RFTN1: variants seen among roughly 807,000 people sequenced by gnomAD.
RFTN1 encodes raftlin, lipid raft linker 1.
RFTN1 carries 26 observed loss-of-function variants against 46.5 expected under a neutral mutation model. The observed-to-expected ratio is 0.56, with a 90% CI of 0.41 to 0.78. The LOEUF (loss-of-function observed/expected upper bound fraction) is 0.78, where lower values mean the gene tolerates loss of function less well. Among genes scored for constraint, RFTN1 ranks in the 30% least tolerant of loss-of-function variants. The probability of loss-of-function intolerance (pLI) is 0.00; values close to 1 mark genes in which losing one functional copy is unlikely to be tolerated. For synonymous variants in RFTN1, 261 were observed against 284.2 expected, an observed-to-expected ratio of 0.92 and a Z score of 0.82; for missense variants, 693 against 718.7, an observed-to-expected ratio of 0.96 and a Z score of 0.41.
chr3:16,467,498 A>G (rs1348601135), intron 2 of RFTN1, among the ~76,000 whole-genome samples: 1 of 152,160 alleles, frequency 6.6e-6, no homozygotes, highest in Non-Finnish European at 1.5e-5. Context: ...GGATCCAGAC[A>G]CTTGACTCAT....
intron 7 of RFTN1, among the ~76,000 whole-genome samples, chr3:16,343,019 T>C (rs116528997): frequency 0.01 from 1,574 of 152,216 alleles, 22 homozygotes; most frequent in African/African-American, 0.036. Context: ...TTTTATTTTT[T>C]TAATGTAGAG....
rs368560773 is a variant in RFTN1 at position 16,338,684 on chromosome 3, T to TA, written c.1147-11809dup. Among the ~76,000 whole-genome samples the TA allele has an allele frequency of 1.8e-4, 27 of 152,358 alleles. No individual in the cohort carries two copies. Among genetic ancestry groups the TA allele is most frequent in the African/African-American group, 6.5e-4 (27 of 41,584 alleles). ...GAGTAAATGGGACTTGCTACTTTATTACTCTCTTTAGACTATCAGAGATGA... is the reference window on the plus strand; with the variant it reads ...GAGTAAATGGGACTTGCTACTTTATTAACTCTCTTTAGACTATCAGAGATGA... On this transcript the variant is annotated intron_variant, in intron 7 of 9. Transcript: ENST00000334133. The surrounding 1 kb of genome is among the most constrained non-coding windows in gnomAD (Gnocchi z 5.3).
intron 6 of RFTN1, among the ~76,000 whole-genome samples, chr3:16,367,552 G>A (rs1415307887): frequency 1.3e-5 from 2 of 152,224 alleles, no homozygotes; most frequent in Non-Finnish European, 2.9e-5. Flanking sequence ...CATACAGGAA[G>A]ATGCCTGGGC....
chr3:16,508,922 T>TAACC (rs962310793), intron 1 of RFTN1, among the ~76,000 whole-genome samples: 1 of 152,228 alleles, frequency 6.6e-6, no homozygotes, highest in Admixed American at 6.5e-5. Flanking sequence ...CAGTAGCCAC[T>TAACC]AACCACACGT....
rs1323878212 is a variant in RFTN1 at position 16,509,272 on chromosome 3, T to G, written c.-9+4170A>C. ...CTGTAACGCTGTTCTGATTATCTAATTTACATTTCTATTATAATATGGCTT... is the reference window on the plus strand; with the variant it reads ...CTGTAACGCTGTTCTGATTATCTAAGTTACATTTCTATTATAATATGGCTT... On this transcript the variant is annotated intron_variant, in intron 1 of 9. Coordinates refer to ENST00000334133, the MANE Select transcript of RFTN1 (RefSeq NM_015150.2). This position sits in a 1 kb window ranked among gnomAD's most constrained non-coding sequence, Gnocchi z 4.9. Among the ~76,000 whole-genome samples the G allele has an allele frequency of 6.6e-6, 1 of 152,232 alleles. No individual in the cohort carries two copies. The highest frequency in any genetic ancestry group is 1.5e-5 in the Non-Finnish European group (1 of 68,044).
At chr3:16,324,861 T>C (rs576950703) in intron 8 of RFTN1, among the ~76,000 whole-genome samples, 1 of 152,272 alleles carries the variant, frequency 6.6e-6, no homozygotes, top group South Asian at 2.1e-4. Context: ...TGCTGGATCA[T>C]GTGCTAAGTC....
In RFTN1 at chr3:16,466,618, C is replaced by G. The variant is rs1445581625; in HGVS notation, c.145+27107G>C. Among the ~76,000 whole-genome samples, 2 of 152,218 alleles carry G rather than the reference C, an allele frequency of 1.3e-5. No individual in the cohort carries two copies. The highest frequency in any genetic ancestry group is 2.9e-5 in the Non-Finnish European group (2 of 68,040). On this transcript the variant is annotated intron_variant, in intron 2 of 9. Transcript: ENST00000334133. This position sits in a 1 kb window ranked among gnomAD's most constrained non-coding sequence, Gnocchi z 5.6. Reference sequence around the variant, plus strand: ...AAGGAAAAAGTAAAACACCAACCATCCTCAGAAACCAACCTTCTTTACAGG... The same window carrying G: ...AAGGAAAAAGTAAAACACCAACCATGCTCAGAAACCAACCTTCTTTACAGG...
chr3:16,324,197 G>A (rs2069415942), intron 8 of RFTN1, among the ~76,000 whole-genome samples: 1 of 152,078 alleles, frequency 6.6e-6, no homozygotes, highest in East Asian at 1.9e-4. Flanking sequence ...GGTAGAGTGT[G>A]ATGTTTTGAT....
intron 3 of RFTN1, among the ~76,000 whole-genome samples, chr3:16,417,386 T>TA (rs1018135687): frequency 4.9e-4 from 74 of 152,012 alleles, no homozygotes; most frequent in African/African-American, 1.5e-3. Context: ...TGTGAACAAG[T>TA]AAAAAAACCA....
Position 16,450,739 on chromosome 3 carries a change from T to G in RFTN1, c.146-16702A>C, listed in dbSNP as rs2075809605. Among the ~76,000 whole-genome samples the G allele has an allele frequency of 6.6e-6, 1 of 152,148 alleles. No homozygotes were observed. The highest frequency in any genetic ancestry group is 1.5e-5 in the Non-Finnish European group (1 of 68,016). ...TCAGAGAAGGTGTTATTTTGCCTTCTCTTACCTTTTCATCAGACCCTGTTC... is the reference window on the plus strand; with the variant it reads ...TCAGAGAAGGTGTTATTTTGCCTTCGCTTACCTTTTCATCAGACCCTGTTC... On this transcript the variant is annotated intron_variant, in intron 2 of 9. Transcript: ENST00000334133. The surrounding 1 kb of genome is among the most constrained non-coding windows in gnomAD (Gnocchi z 4.6).
In RFTN1 at chr3:16,424,619, G is replaced by A. The variant is rs370257226; in HGVS notation, c.332+9232C>T. Among the ~76,000 whole-genome samples, 14 of 152,262 alleles carry A rather than the reference G, an allele frequency of 9.2e-5. No individual in the cohort carries two copies. The East Asian group carries it at 1.7e-3, about 19-fold the overall frequency. On this transcript the variant is annotated intron_variant, in intron 3 of 9. Coordinates refer to ENST00000334133, the MANE Select transcript of RFTN1 (RefSeq NM_015150.2). The surrounding 1 kb of genome is among the most constrained non-coding windows in gnomAD (Gnocchi z 4.7). ...TCCAACTCATGGTCGATGATAGGAA[G>A]TGAATGAAATGATGTATTCATATTT...
rs988817781 is a variant in RFTN1, at chr3:16,374,926, C to A, written c.826+2792G>T. Among the ~76,000 whole-genome samples, 5 of 152,272 alleles carry A rather than the reference C, an allele frequency of 3.3e-5. No individual in the cohort carries two copies. The highest frequency in any genetic ancestry group is 7.4e-5 in the Non-Finnish European group (5 of 68,018). The stretch of plus-strand genomic sequence containing the variant: ...AGCCCGCAGAGATGGGGAGGGACGA[C>A]CTGCCCCTGCTTCCGCATGGAGAAT... On this transcript the variant is annotated intron_variant, in intron 5 of 9. Transcript: ENST00000334133. This position sits in a 1 kb window ranked among gnomAD's most constrained non-coding sequence, Gnocchi z 5.4.
chr3:16,430,104 G>A (rs1186771440), intron 3 of RFTN1, among the ~76,000 whole-genome samples: 1 of 129,840 alleles, frequency 7.7e-6, no homozygotes, highest in Non-Finnish European at 1.8e-5. Context: ...GAAAAAGTCC[G>A]TTTTTTTTTT....
Position 16,317,227 on chromosome 3 carries a change from C to T in RFTN1, c.1338G>A (p.Gln446=). The stretch of plus-strand genomic sequence containing the variant: ...GCATTTCTTCTCTGGAGAATCGCCA[C>T]TGAAACTAGAAATCAGAAAGGATGG... ...QKIKKKESKF[Q]WRFSREEMHN... Residue 446 remains glutamine, a synonymous_variant, in exon 10 of 10, where the codon CAG becomes CAA. Coordinates refer to ENST00000334133, the MANE Select transcript of RFTN1 (RefSeq NM_015150.2). This position sits in a 1 kb window ranked among gnomAD's most constrained non-coding sequence, Gnocchi z 4.3. 2 of 1,612,054 alleles carry T rather than the reference C, an allele frequency of 1.2e-6. No homozygotes were observed. Among genetic ancestry groups the T allele is most frequent in the Non-Finnish European group, 1.7e-6 (2 of 1,179,946 alleles).
chr3:16,374,606 T>C lies in RFTN1; in HGVS notation c.826+3112A>G, dbSNP rs2073671539. Among the ~76,000 whole-genome samples the C allele has an allele frequency of 1.3e-5, 2 of 152,138 alleles. No homozygotes were observed. Among genetic ancestry groups the C allele is most frequent in the African/African-American group, 4.8e-5 (2 of 41,428 alleles). On this transcript the variant is annotated intron_variant, in intron 5 of 9. Transcript: ENST00000334133. The surrounding 1 kb of genome is among the most constrained non-coding windows in gnomAD (Gnocchi z 5.4). ...GGCTGACATTTCTAAGCATTTTAAG[T>C]GAGGAGGTGCAGGGTAGGAAGGGCA...
rs887905262 is a variant in RFTN1, at chr3:16,428,103, T to C, written c.332+5748A>G. 6.6e-6 allele frequency among the ~76,000 whole-genome samples: 1 copy of C among 152,192 alleles called. No homozygotes were observed. The highest frequency in any genetic ancestry group is 1.5e-5 in the Non-Finnish European group (1 of 68,032). ...GTCATCTTTGCATAGTGAAATTACA[T>C]ATACATATTTACCTTAGAAAAATCC... is the stretch of plus-strand genomic sequence containing the variant. On this transcript the variant is annotated intron_variant, in intron 3 of 9. Coordinates refer to ENST00000334133, the MANE Select transcript of RFTN1 (RefSeq NM_015150.2). The surrounding 1 kb of genome is among the most constrained non-coding windows in gnomAD (Gnocchi z 4.7).
In RFTN1 at chr3:16,385,384, G is replaced by A. The variant is rs17042200; in HGVS notation, c.442-7282C>T. On this transcript the variant is annotated intron_variant, in intron 4 of 9. Transcript: ENST00000334133. The surrounding 1 kb of genome is among the most constrained non-coding windows in gnomAD (Gnocchi z 5.0). ...CAGGCGCTGCTGGATGTTTAGCTCC[G>A]TTTTAGGGCCACAAGGAAAGATCAT... Among the ~76,000 whole-genome samples the A allele has an allele frequency of 0.18, 27,639 of 152,104 alleles. 3,100 individuals carry two copies. Among genetic ancestry groups the A allele is most frequent in the East Asian group, 0.45 (2,336 of 5,160 alleles).
At chr3:16,453,846 T>C (rs2075859883) in intron 2 of RFTN1, among the ~76,000 whole-genome samples, 1 of 152,240 alleles carries the variant, frequency 6.6e-6, no homozygotes, top group South Asian at 2.1e-4. Context: ...CCAATTTTAA[T>C]TTTAAAAGTG....
Position 16,400,510 on chromosome 3 carries a change from G to T in RFTN1, c.441+8865C>A, listed in dbSNP as rs938737. ...AGACTCTAAGTTTCACGTGTCCAGG[G>T]CATTACCTAGACCGGCTTACTAAAG... On this transcript the variant is annotated intron_variant, in intron 4 of 9. Coordinates refer to ENST00000334133, the MANE Select transcript of RFTN1 (RefSeq NM_015150.2). This position sits in a 1 kb window ranked among gnomAD's most constrained non-coding sequence, Gnocchi z 4.5. Among the ~76,000 whole-genome samples the T allele has an allele frequency of 2.6e-5, 4 of 152,172 alleles. No individual in the cohort carries two copies. The highest frequency in any genetic ancestry group is 4.4e-5 in the Non-Finnish European group (3 of 68,028).
Sources: gnomAD v4.1 joint callset for allele counts (sites outside exome capture counted in the v4.1 genomes callset) on GRCh38, gnomAD v4.1.1 for gene constraint, Gnocchi (gnomAD v3.1) non-coding constraint, MANE v1.5 for transcripts, NCBI Gene and HGNC (gene_info 2026-07-23, HGNC 2026-07-21) for gene names.